Variants in GDAP1L1 observed in about 807,000 individuals in gnomAD.
GDAP1L1 encodes the protein ganglioside-induced differentiation-associated protein 1-like 1.
GDAP1L1 carries 21 observed loss-of-function variants against 37.1 expected under a neutral mutation model. That is an observed-to-expected ratio of 0.57 (90% CI 0.40 to 0.81). The LOEUF is 0.81. Among genes scored for constraint, GDAP1L1 ranks in the 40% least tolerant of loss-of-function variants. GDAP1L1 has a pLI of 0.00. For synonymous variants in GDAP1L1, 193 were observed against 209.1 expected, an observed-to-expected ratio of 0.92 and a Z score of 0.67; for missense variants, 362 against 491.6, an observed-to-expected ratio of 0.74 and a Z score of 2.49.
intron 5 of GDAP1L1, chr20:44,265,224 G>A: frequency 1.0e-6 from 1 of 985,308 alleles, no homozygotes; most frequent in Non-Finnish European, 1.2e-6. Flanking sequence ...TCCCAGCTGG[G>A]CCTCTAAACT....
At chr20:44,264,853 G>A in intron 5 of GDAP1L1, 4 of 1,155,882 alleles carry the variant, frequency 3.5e-6, no homozygotes, top group Non-Finnish European at 4.4e-6. Context: ...TACACGTAGA[G>A]TGCTTAGATC....
At position 44,252,028 on chromosome 20, in the gene GDAP1L1, C is replaced by T. The variant is rs62205974; in HGVS notation, c.180+4514C>T. Among the ~76,000 whole-genome samples, 1,116 of 152,304 alleles carry T rather than the reference C, an allele frequency of 7.3e-3. 14 individuals carry two copies. The highest frequency in any genetic ancestry group is 0.052 in the East Asian group (269 of 5,188). On this transcript the variant is annotated intron_variant, in intron 1 of 5. Transcript: ENST00000342560. ...GTGAAGTGATGAAAATATCTGATTCCTAGTGGTGACAATATTGCAGGCACT... is the reference window on the plus strand; with the variant it reads ...GTGAAGTGATGAAAATATCTGATTCTTAGTGGTGACAATATTGCAGGCACT...
At position 44,279,469 on chromosome 20, in the gene GDAP1L1, G is replaced by A. The variant is rs1294300408; in HGVS notation, c.*169G>A. 8 of 711,652 alleles carry A rather than the reference G, an allele frequency of 1.1e-5. No individual in the cohort carries two copies. The highest frequency in any genetic ancestry group is 2.3e-4 in the Middle Eastern group (1 of 4,338). 44.1% of individuals were successfully genotyped at this position (711,652 alleles called of 1,614,324 possible). ...AACATTCCGTAGTTTAGAAGTAGAC[G>A]TTGCCAATGCTGTGACTCAAGGCCA... On this transcript the variant is annotated 3_prime_UTR_variant, in exon 6 of 6. Transcript: ENST00000342560.
At chr20:44,252,934 G>A (rs1184806968) in intron 1 of GDAP1L1, among the ~76,000 whole-genome samples, 20 of 151,932 alleles carry the variant, frequency 1.3e-4, no homozygotes, top group African/African-American at 4.4e-4. Flanking sequence ...TTTTGAGTAT[G>A]TCCAACATGC....
chr20:44,274,007 T>C (rs1264260664), intron 5 of GDAP1L1, among the ~76,000 whole-genome samples: 1 of 152,190 alleles, frequency 6.6e-6, no homozygotes, highest in Non-Finnish European at 1.5e-5. Flanking sequence ...GAAACTGGAA[T>C]GTTTATTCCA....
intron 3 of GDAP1L1, among the ~76,000 whole-genome samples, chr20:44,259,823 G>A (rs1447972229): frequency 6.6e-6 from 1 of 152,018 alleles, no homozygotes; most frequent in African/African-American, 2.4e-5. Context: ...CTGTACATCC[G>A]GCTCCCAGCA....
intron 5 of GDAP1L1, chr20:44,265,595 C>G: frequency 1.8e-6 from 1 of 558,610 alleles, no homozygotes; most frequent in Non-Finnish European, 2.3e-6. Context: ...AGTTGCTTTC[C>G]CTATTGAAGC....
At chr20:44,267,903 G>A (rs1406723202) in intron 5 of GDAP1L1, among the ~76,000 whole-genome samples, 2 of 152,226 alleles carry the variant, frequency 1.3e-5, no homozygotes, top group South Asian at 4.1e-4. Context: ...AGACAGCATT[G>A]CACTGTCCCA....
intron 2 of GDAP1L1, among the ~76,000 whole-genome samples, chr20:44,257,647 G>A (rs1568649525): frequency 6.6e-6 from 1 of 151,650 alleles, no homozygotes; most frequent in Non-Finnish European, 1.5e-5. Flanking sequence ...TTTCCCCCGA[G>A]CTCTAGAGTC....
intron 5 of GDAP1L1, 29 bp downstream of exon 5, chr20:44,264,588 G>A: frequency 6.2e-7 from 1 of 1,603,114 alleles, no homozygotes; most frequent in South Asian, 1.1e-5. Flanking sequence ...GGAGGTGGGG[G>A]CTGCAGCCCA....
chr20:44,264,277 T>C (rs990773344), intron 4 of GDAP1L1, among the ~76,000 whole-genome samples, 168 bp from the exon 5 acceptor site: 5 of 148,980 alleles, frequency 3.4e-5, no homozygotes, highest in Non-Finnish European at 7.4e-5. Flanking sequence ...CACAGGACTG[T>C]TGTAGGCACC....
chr20:44,256,071 G>T (rs1190005054), intron 1 of GDAP1L1, among the ~76,000 whole-genome samples: 1 of 152,202 alleles, frequency 6.6e-6, no homozygotes, highest in Non-Finnish European at 1.5e-5. Flanking sequence ...TCCCTGGAAG[G>T]AGCCCTCAGG....
intron 5 of GDAP1L1, chr20:44,265,444 C>A: frequency 1.0e-6 from 1 of 985,430 alleles, no homozygotes; most frequent in Non-Finnish European, 1.2e-6. Context: ...ATTTATGGTG[C>A]ATTTGCAACA....
rs1354702436 is a variant in GDAP1L1, at chr20:44,280,878, A to T, written c.*1578A>T. The stretch of plus-strand genomic sequence containing the variant: ...ATTTAAAATGCCCAAAGAACATTAA[A>T]TCAGGAGTATAATGTGTAGAATATA... On this transcript the variant is annotated 3_prime_UTR_variant, in exon 6 of 6. Transcript: ENST00000342560. 3 of 152,294 alleles carry T rather than the reference A, an allele frequency of 2.0e-5. No homozygotes were observed. Among genetic ancestry groups the T allele is most frequent in the Non-Finnish European group, 4.4e-5 (3 of 68,056 alleles). The allele number at this position is 152,294 out of a possible 1,614,324, so 9.4% of individuals were successfully genotyped here.
chr20:44,279,527 G>C lies in GDAP1L1; in HGVS notation c.*227G>C, dbSNP rs2062619960. 2.9e-6 allele frequency: 2 copies of C among 691,614 alleles called. No homozygotes were observed. Among genetic ancestry groups the C allele is most frequent in the Non-Finnish European group, 5.4e-6 (2 of 369,398 alleles). 42.8% of individuals were successfully genotyped at this position (691,614 alleles called of 1,614,324 possible). A position where few individuals can be genotyped will look rare whatever the true frequency, so the allele number is the denominator to read the frequency against. On this transcript the variant is annotated 3_prime_UTR_variant, in exon 6 of 6. Coordinates refer to ENST00000342560, the MANE Select transcript of GDAP1L1 (RefSeq NM_024034.6). ...ACTAAAAGAGAGAGAGGAAGCGAGA[G>C]AGAGAGAGAAAAAACAAAAAACAGA...
chr20:44,256,172 CA>C (rs1306515981), intron 1 of GDAP1L1, among the ~76,000 whole-genome samples: 7 of 152,112 alleles, frequency 4.6e-5, no homozygotes, highest in Non-Finnish European at 7.3e-5. Context: ...GATTACTTGC[CA>C]TCTCTGGGCT....
chr20:44,270,555 T>C (rs1408661968), intron 5 of GDAP1L1, among the ~76,000 whole-genome samples: 3 of 152,218 alleles, frequency 2.0e-5, no homozygotes, highest in Non-Finnish European at 4.4e-5. Flanking sequence ...CAGCTCTGAG[T>C]CAGGGTTGCT....
In GDAP1L1 at chr20:44,280,291, T is replaced by C. The variant is rs2062627715; in HGVS notation, c.*991T>C. ...GTCGGGTCTCACTTTCCTGTGCCTTTTGCATGTTGGGAAAGGGTCTTGGTG... is the reference window on the plus strand; with the variant it reads ...GTCGGGTCTCACTTTCCTGTGCCTTCTGCATGTTGGGAAAGGGTCTTGGTG... On this transcript the variant is annotated 3_prime_UTR_variant, in exon 6 of 6. Coordinates refer to ENST00000342560, the MANE Select transcript of GDAP1L1 (RefSeq NM_024034.6). The C allele has an allele frequency of 6.4e-6, 1 of 155,578 alleles. No individual in the cohort carries two copies. The highest frequency in any genetic ancestry group is 1.4e-5 in the Non-Finnish European group (1 of 70,022). 9.6% of individuals were successfully genotyped at this position (155,578 alleles called of 1,614,324 possible). A position where few individuals can be genotyped will look rare whatever the true frequency, so the allele number is the denominator to read the frequency against.
intron 5 of GDAP1L1, among the ~76,000 whole-genome samples, chr20:44,274,568 G>GCACTGT (rs1429825166): frequency 1.3e-5 from 2 of 152,204 alleles, no homozygotes; most frequent in African/African-American, 4.8e-5. Context: ...TGTGAACACA[G>GCACTGT]CTGAGCACTG....
Sources: allele counts gnomAD v4.1 joint callset (sites outside exome capture counted in the v4.1 genomes callset), GRCh38; gene constraint gnomAD v4.1.1; transcripts MANE v1.5; gene names NCBI Gene and HGNC (gene_info 2026-07-23, HGNC 2026-07-21).